Variants in PSMD1 observed in about 807,000 individuals in gnomAD.
PSMD1 encodes the protein 26S proteasome non-ATPase regulatory subunit 1.
In PSMD1, 18 loss-of-function variants were observed where a neutral mutation model predicts 119.0. The observed-to-expected ratio is 0.15, with a 90% CI of 0.10 to 0.22. The LOEUF (loss-of-function observed/expected upper bound fraction) is 0.22, where lower values mean the gene tolerates loss of function less well. PSMD1 is among the 10% of genes least tolerant of loss of function. The pLI is 1.00. For synonymous variants in PSMD1, 374 were observed against 396.6 expected (o/e 0.94, Z 0.68); for missense variants, 702 against 1,158.5 (o/e 0.61, Z 5.72).
chr2:231,117,513 A>G (rs1299650208), intron 16 of PSMD1, among the ~76,000 whole-genome samples: 1 of 152,190 alleles, frequency 6.6e-6, no homozygotes, highest in Non-Finnish European at 1.5e-5. Context: ...ACTGAATATT[A>G]AAGCAACAAA....
At chr2:231,151,712 T>C (rs1206740875) in intron 18 of PSMD1, among the ~76,000 whole-genome samples, 2 of 152,182 alleles carry the variant, frequency 1.3e-5, no homozygotes, top group South Asian at 2.1e-4. Context: ...ATTTCCATAC[T>C]GTATAAGGTA....
At chr2:231,165,672 A>AC (rs1228813937) in intron 22 of PSMD1, among the ~76,000 whole-genome samples, 199 bp from the exon 23 acceptor site, 2 of 151,968 alleles carry the variant, frequency 1.3e-5, no homozygotes, top group Non-Finnish European at 2.9e-5. Flanking sequence ...ATCCTTTAAA[A>AC]CCAAGTCAAA....
chr2:231,091,225 G>T (rs1413022436), intron 16 of PSMD1, among the ~76,000 whole-genome samples: 2 of 152,208 alleles, frequency 1.3e-5, no homozygotes, highest in African/African-American at 4.8e-5. Context: ...ACCAAATAGA[G>T]AGCAGTCCTG....
At chr2:231,147,852 T>A (rs1696286327) in intron 18 of PSMD1, among the ~76,000 whole-genome samples, 1 of 152,230 alleles carries the variant, frequency 6.6e-6, no homozygotes, top group Non-Finnish European at 1.5e-5. Context: ...CACCCTCATT[T>A]TCAGCAAAGT....
intron 14 of PSMD1, among the ~76,000 whole-genome samples, chr2:231,084,098 T>A (rs1574716457): frequency 6.6e-6 from 1 of 152,054 alleles, no homozygotes; most frequent in South Asian, 2.1e-4. Flanking sequence ...CCTGTAATCC[T>A]AGCATTTTGG....
intron 23 of PSMD1, among the ~76,000 whole-genome samples, chr2:231,168,498 A>G (rs1455708325): frequency 6.6e-6 from 1 of 152,250 alleles, no homozygotes; most frequent in African/African-American, 2.4e-5. Flanking sequence ...TATATGCTAC[A>G]GTGTGTGTGA....
chr2:231,137,072 TATA>T (rs1329143381), intron 16 of PSMD1, among the ~76,000 whole-genome samples: 1 of 145,854 alleles, frequency 6.9e-6, no homozygotes, highest in African/African-American at 2.5e-5. Context: ...TATTTTTATG[TATA>T]ATATATATTT....
intron 16 of PSMD1, among the ~76,000 whole-genome samples, chr2:231,133,113 T>C (rs188704581): frequency 1.3e-5 from 2 of 152,314 alleles, no homozygotes; most frequent in Admixed American, 1.3e-4. Context: ...ACTACTCAGA[T>C]TATTTGGAAT....
intron 16 of PSMD1, among the ~76,000 whole-genome samples, chr2:231,112,588 T>G (rs1695189599): frequency 6.6e-6 from 1 of 152,218 alleles, no homozygotes; most frequent in Non-Finnish European, 1.5e-5. Context: ...ATTTAAGTAT[T>G]CCAGGTCTCT....
chr2:231,062,404 A>G, intron 3 of PSMD1, 83 bp downstream of exon 3: 2 of 1,527,288 alleles, frequency 1.3e-6, no homozygotes, highest in Admixed American at 1.8e-5. Flanking sequence ...TGATTCATTT[A>G]GAAATTTGCT....
At chr2:231,080,063 G>A in intron 11 of PSMD1, 78 bp from the exon 12 acceptor site, 3 of 1,288,028 alleles carry the variant, frequency 2.3e-6, no homozygotes, top group Non-Finnish European at 3.2e-6. Context: ...TGGGGAAAAG[G>A]CAGTAATCAT....
At chr2:231,137,882 C>A (rs1252425375) in intron 16 of PSMD1, among the ~76,000 whole-genome samples, 1 of 152,162 alleles carries the variant, frequency 6.6e-6, no homozygotes, top group Non-Finnish European at 1.5e-5. Flanking sequence ...TTCTTCATGG[C>A]TGCAAAAAAA....
rs1042730901 is a variant in PSMD1 at position 231,100,836 on chromosome 2, C to G, written c.1883+13655C>G. Among the ~76,000 whole-genome samples, 34 of 152,116 alleles carry G rather than the reference C, an allele frequency of 2.2e-4. 1 individual carries two copies. Among genetic ancestry groups the G allele is most frequent in the Non-Finnish European group, 4.4e-5 (3 of 68,028 alleles). ...TGATGAAACCCTAGCCTGAACAATC[C>G]CCTCGAACTTGGAAATCCACAGTGG... On this transcript the variant is annotated intron_variant, in intron 16 of 24. Transcript: ENST00000308696.
At chr2:231,102,854 T>C (rs939689254) in intron 16 of PSMD1, among the ~76,000 whole-genome samples, 4 of 152,242 alleles carry the variant, frequency 2.6e-5, no homozygotes, top group African/African-American at 7.2e-5. Context: ...CTGCCTGTTA[T>C]AGCTTATTTG....
At chr2:231,110,450 G>A (rs893839514) in intron 16 of PSMD1, among the ~76,000 whole-genome samples, 2 of 152,112 alleles carry the variant, frequency 1.3e-5, no homozygotes, top group African/African-American at 4.8e-5. Context: ...AAATAATACA[G>A]GGGTTAACCT....
intron 16 of PSMD1, among the ~76,000 whole-genome samples, chr2:231,095,358 A>G (rs1018386296): frequency 3.3e-5 from 5 of 152,200 alleles, no homozygotes; most frequent in Non-Finnish European, 5.9e-5. Flanking sequence ...TTGACCAGGA[A>G]ATTAGCATGT....
chr2:231,067,817 C>A (rs1159108963), intron 5 of PSMD1, among the ~76,000 whole-genome samples: 1 of 151,984 alleles, frequency 6.6e-6, no homozygotes, highest in Non-Finnish European at 1.5e-5. Flanking sequence ...CCACCACACC[C>A]AGCTAATTTT....
chr2:231,107,727 G>A (rs1559232425), intron 16 of PSMD1, among the ~76,000 whole-genome samples: 1 of 152,184 alleles, frequency 6.6e-6, no homozygotes, highest in Non-Finnish European at 1.5e-5. Flanking sequence ...TACATAGGCA[G>A]GCATGATCTC....
intron 13 of PSMD1, 29 bp downstream of exon 13, chr2:231,083,023 C>G: frequency 2.7e-6 from 4 of 1,486,544 alleles, no homozygotes; most frequent in Non-Finnish European, 3.7e-6. Context: ...AGCTAACAAG[C>G]TTAAGTATTA....
Sources: allele counts gnomAD v4.1 joint callset (sites outside exome capture counted in the v4.1 genomes callset), GRCh38; gene constraint gnomAD v4.1.1; transcripts MANE v1.5; gene names NCBI Gene and HGNC (gene_info 2026-07-23, HGNC 2026-07-21).